The following PRKD1 variants were observed in gnomAD, a reference collection of about 807,000 sequenced individuals.
The protein encoded by PRKD1 is protein kinase D1, also known as serine/threonine-protein kinase D1.
In PRKD1, 63 loss-of-function variants were observed where a neutral mutation model predicts 95.9. The ratio of observed to expected loss-of-function variants is 0.66; its 90% CI spans 0.54 to 0.81. The LOEUF is 0.81. PRKD1 is among the 30% of genes least tolerant of loss of function. The pLI is 0.00. For missense variants in PRKD1, 1,048 were observed against 1,165.3 expected (o/e 0.90, Z 1.47); for synonymous variants, 425 against 423.1 (o/e 1.00, Z -0.05).
At chr14:29,721,883 C>A (rs1427942729) in intron 2 of PRKD1, among the ~76,000 whole-genome samples, 1 of 151,948 alleles carries the variant, frequency 6.6e-6, no homozygotes, top group African/African-American at 2.4e-5. Context: ...TTTAAATGTA[C>A]TAGCTCACAC....
At chr14:29,705,776 C>T (rs1192491169) in intron 2 of PRKD1, among the ~76,000 whole-genome samples, 3 of 152,054 alleles carry the variant, frequency 2.0e-5, no homozygotes, top group Non-Finnish European at 4.4e-5. Flanking sequence ...TTTGCAGGTT[C>T]ATCCATGATG....
chr14:29,887,647 G>A (rs758408926), intron 1 of PRKD1, among the ~76,000 whole-genome samples: 19 of 152,272 alleles, frequency 1.2e-4, no homozygotes, highest in South Asian at 4.1e-4. Flanking sequence ...TGTGTCAACC[G>A]CAAACCACAT....
chr14:29,606,068 A>G (rs1893693812), intron 13 of PRKD1, among the ~76,000 whole-genome samples: 1 of 151,964 alleles, frequency 6.6e-6, no homozygotes, highest in Admixed American at 6.6e-5. Flanking sequence ...GCTGGACTGC[A>G]GTGGTGCAGT....
chr14:29,609,697 C>T (rs998393825), intron 13 of PRKD1, among the ~76,000 whole-genome samples: 2 of 144,082 alleles, frequency 1.4e-5, no homozygotes. Flanking sequence ...AGCACCACCA[C>T]GCCCAGCTAT....
At chr14:29,638,938 G>A (rs537667489) in intron 4 of PRKD1, 34 bp from the exon 5 acceptor site, 2 of 1,514,822 alleles carry the variant, frequency 1.3e-6, no homozygotes, top group Middle Eastern at 1.8e-4. Flanking sequence ...GAAGCAAGAT[G>A]TAAGAGGCTA....
chr14:29,882,906 C>T lies in PRKD1; in HGVS notation c.264+44343G>A, dbSNP rs118186369. On this transcript the variant is annotated intron_variant, in intron 1 of 17. Coordinates refer to ENST00000331968, the MANE Select transcript of PRKD1 (RefSeq NM_002742.3). ...GTATACCACGTTTTGTTTAGCCATT[C>T]GTCCATCAATGGAACTTGGGTTGCT... 6.0e-3 allele frequency among the ~76,000 whole-genome samples: 912 copies of T among 152,214 alleles called. 7 individuals are homozygous for T. The highest frequency in any genetic ancestry group is 8.8e-3 in the Non-Finnish European group (596 of 68,014).
chr14:29,768,974 AT>A (rs1017550459), intron 1 of PRKD1, among the ~76,000 whole-genome samples: 3 of 152,100 alleles, frequency 2.0e-5, no homozygotes, highest in Non-Finnish European at 4.4e-5. Context: ...TGAACTTTAC[AT>A]TTCCTTCTGC....
chr14:29,850,113 T>C (rs953270648), intron 1 of PRKD1, among the ~76,000 whole-genome samples: 2 of 152,110 alleles, frequency 1.3e-5, no homozygotes. Context: ...GGACAAAAGC[T>C]GAAACCATTC....
At chr14:29,581,980 C>G (rs1260747864) in intron 16 of PRKD1, among the ~76,000 whole-genome samples, 1 of 152,044 alleles carries the variant, frequency 6.6e-6, no homozygotes, top group African/African-American at 2.4e-5. Flanking sequence ...TAGAAGTATT[C>G]CTATGTAGCT....
chr14:29,582,904 G>A (rs1892797204), intron 16 of PRKD1, among the ~76,000 whole-genome samples: 1 of 152,162 alleles, frequency 6.6e-6, no homozygotes, highest in Non-Finnish European at 1.5e-5. Context: ...GCCATTCTAT[G>A]AATTCCTCTC....
chr14:29,831,020 A>G (rs1594558754), intron 1 of PRKD1, among the ~76,000 whole-genome samples: 1 of 152,306 alleles, frequency 6.6e-6, no homozygotes, highest in Non-Finnish European at 1.5e-5. Context: ...ATAAAGAAGA[A>G]AGTATTATTT....
At chr14:29,619,744 A>G (rs1441314527) in intron 13 of PRKD1, among the ~76,000 whole-genome samples, 3 of 152,160 alleles carry the variant, frequency 2.0e-5, no homozygotes, top group South Asian at 2.1e-4. Context: ...GCAAGGACTC[A>G]AAGTAGGTGA....
intron 16 of PRKD1, among the ~76,000 whole-genome samples, chr14:29,588,790 TTGTGTGTGTGTGTGTG>T (rs34773417): frequency 1.0e-3 from 148 of 145,426 alleles, no homozygotes; most frequent in African/African-American, 1.6e-3. Flanking sequence ...ATTCCTAAAG[TTGTGTGTGTGTGTGTG>T]TGTGTGTGTG....
chr14:29,861,996 C>T (rs1259373135), intron 1 of PRKD1, among the ~76,000 whole-genome samples: 3 of 152,028 alleles, frequency 2.0e-5, no homozygotes, highest in African/African-American at 7.2e-5. Context: ...TCTTTTGTAC[C>T]CATTAACTGT....
chr14:29,657,297 C>T (rs1314913933), intron 4 of PRKD1: 1 of 152,144 alleles, frequency 6.6e-6, no homozygotes, highest in African/African-American at 2.4e-5. Flanking sequence ...TTCTCTCAAG[C>T]TTTTGGGGGG....
chr14:29,847,846 C>A (rs186233494), intron 1 of PRKD1, among the ~76,000 whole-genome samples: 3 of 152,118 alleles, frequency 2.0e-5, no homozygotes, highest in Non-Finnish European at 4.4e-5. Flanking sequence ...CATACACACA[C>A]ATGCATGCAT....
At chr14:29,915,827 G>A (rs1043690315) in intron 1 of PRKD1, among the ~76,000 whole-genome samples, 1 of 152,058 alleles carries the variant, frequency 6.6e-6, no homozygotes, top group African/African-American at 2.4e-5. Flanking sequence ...ACAAATCTAC[G>A]GCCTTTCAAG....
intron 13 of PRKD1, among the ~76,000 whole-genome samples, chr14:29,605,666 C>T (rs1458236915): frequency 1.3e-5 from 2 of 152,144 alleles, no homozygotes; most frequent in Non-Finnish European, 2.9e-5. Flanking sequence ...TCCATAAGAG[C>T]TATAATTTAT....
At chr14:29,833,256 C>T (rs1891484020) in intron 1 of PRKD1, among the ~76,000 whole-genome samples, 1 of 152,076 alleles carries the variant, frequency 6.6e-6, no homozygotes, top group Admixed American at 6.6e-5. Flanking sequence ...TTAAGTAGCT[C>T]TACACATCTA....
Sources: allele counts gnomAD v4.1 joint callset (sites outside exome capture counted in the v4.1 genomes callset), GRCh38; gene constraint gnomAD v4.1.1; transcripts MANE v1.5; gene names NCBI Gene and HGNC (gene_info 2026-07-23, HGNC 2026-07-21).